The following DIAPH1 variants were observed in gnomAD, a reference collection of about 807,000 sequenced individuals.
The protein encoded by DIAPH1 is diaphanous related formin 1.
A neutral mutation model predicts 140.7 loss-of-function variants in DIAPH1; 46 were observed. That is an observed-to-expected ratio of 0.33 (90% CI 0.26 to 0.42). The LOEUF is 0.42. Ranked by LOEUF, DIAPH1 falls within the 10% of genes least tolerant of loss-of-function variation. DIAPH1 has a pLI of 1.00. For missense variants in DIAPH1, 1,310 were observed against 1,558.7 expected, an observed-to-expected ratio of 0.84 and a Z score of 2.69; for synonymous variants, 565 against 551.6, an observed-to-expected ratio of 1.02 and a Z score of -0.34.
chr5:141,557,539 C>T (rs2099892811), intron 18 of DIAPH1, among the ~76,000 whole-genome samples: 1 of 152,096 alleles, frequency 6.6e-6, no homozygotes, highest in Non-Finnish European at 1.5e-5. Flanking sequence ...TCCCAGACAG[C>T]TAAGTGAAAG....
At chr5:141,530,778 G>T (rs79542622) in intron 19 of DIAPH1, among the ~76,000 whole-genome samples, 1,612 of 152,244 alleles carry the variant, frequency 0.011, 39 homozygotes, top group African/African-American at 0.037. Flanking sequence ...GACTAGAAAA[G>T]ACTCAGATAA....
chr5:141,580,718 G>A (rs945156557), intron 8 of DIAPH1, 26 bp downstream of exon 8: 2 of 1,612,530 alleles, frequency 1.2e-6, no homozygotes, highest in Non-Finnish European at 1.7e-6. Flanking sequence ...TGAAAATGGA[G>A]AAGAAAAATT....
intron 27 of DIAPH1, among the ~76,000 whole-genome samples, chr5:141,523,576 C>A (rs2099886871): frequency 6.6e-6 from 1 of 152,074 alleles, no homozygotes; most frequent in Non-Finnish European, 1.5e-5. Context: ...AAGGCAAGGG[C>A]AATAGAGGCT....
chr5:141,536,471 C>T (rs1027599852), intron 18 of DIAPH1, among the ~76,000 whole-genome samples: 1 of 152,090 alleles, frequency 6.6e-6, no homozygotes, highest in Non-Finnish European at 1.5e-5. Context: ...AGATTCTTGC[C>T]TTCATGGAAC....
At chr5:141,604,916 T>G (rs568243249) in intron 1 of DIAPH1, among the ~76,000 whole-genome samples, 2 of 152,202 alleles carry the variant, frequency 1.3e-5, no homozygotes, top group East Asian at 3.8e-4. Flanking sequence ...TGAAATCTTA[T>G]TATTTCTCTA....
rs1030991419 is a variant in DIAPH1 at position 141,528,357 on chromosome 5, A to T, written c.3148+96T>A. On this transcript the variant is annotated intron_variant, in intron 23 of 27. Coordinates refer to ENST00000389054, the MANE Select transcript of DIAPH1 (RefSeq NM_005219.5). ...ATCCTATCTCATTTCCACTTGAAATAGTCTGAACTGAAAATGCTCTCACAT... is the reference window on the plus strand; with the variant it reads ...ATCCTATCTCATTTCCACTTGAAATTGTCTGAACTGAAAATGCTCTCACAT... 15 of 1,554,602 alleles carry T rather than the reference A, an allele frequency of 9.6e-6. No individual in the cohort carries two copies. The African/African-American group carries it at 1.9e-4, about 20-fold the overall frequency.
intron 1 of DIAPH1, among the ~76,000 whole-genome samples, chr5:141,590,449 C>G (rs899162845): frequency 6.6e-6 from 1 of 152,134 alleles, no homozygotes; most frequent in South Asian, 2.1e-4. Flanking sequence ...GAAAGCACCA[C>G]CCAAGACAAC....
chr5:141,583,532 G>A lies in DIAPH1; in HGVS notation c.486C>T (p.Leu162=). ...ACACACGAAGGGACTCCAGGCAGCT[G>A]AGCAGAGGCATATCCCGCAAGCCTG... ...LRSGLRDMPL[L]SCLESLRVSL... Residue 162 remains leucine, a synonymous_variant, in exon 5 of 28, where the codon CTC becomes CTT. Transcript: ENST00000389054. The A allele has an allele frequency of 1.9e-6, 3 of 1,614,150 alleles. No homozygotes were observed. The highest frequency in any genetic ancestry group is 1.3e-5 in the African/African-American group (1 of 75,014).
intron 18 of DIAPH1, among the ~76,000 whole-genome samples, chr5:141,555,561 G>C (rs1040081521): frequency 6.6e-6 from 1 of 152,166 alleles, no homozygotes; most frequent in Non-Finnish European, 1.5e-5. Context: ...ATTTTCATAA[G>C]AGCAAAGATG....
chr5:141,598,676 T>C (rs2099899690), intron 1 of DIAPH1, among the ~76,000 whole-genome samples: 1 of 152,198 alleles, frequency 6.6e-6, no homozygotes, highest in Non-Finnish European at 1.5e-5. Flanking sequence ...ACTTCCTAGA[T>C]ACTTTATAGT....
chr5:141,560,789 A>G, intron 18 of DIAPH1: 1 of 452,108 alleles, frequency 2.2e-6, no homozygotes, highest in Non-Finnish European at 4.5e-6. Flanking sequence ...GGGAAGTAAC[A>G]GGGTAAGAGC....
intron 23 of DIAPH1, 64 bp from the exon 24 acceptor site, chr5:141,527,761 G>A: frequency 2.0e-6 from 3 of 1,493,358 alleles, no homozygotes; most frequent in Non-Finnish European, 2.7e-6. Flanking sequence ...AATAATCCCA[G>A]CCTCAACACC....
In DIAPH1 at chr5:141,550,524, C is replaced by T. The variant is rs73794932; in HGVS notation, c.2483-16091G>A. 8.9e-3 allele frequency: 1,368 copies of T among 154,518 alleles called. 19 individuals are homozygous for T. The highest frequency in any genetic ancestry group is 0.03 in the African/African-American group (1,257 of 41,646). The allele number at this position is 154,518 out of a possible 1,614,324, so 9.6% of individuals were successfully genotyped here. A position where few individuals can be genotyped will look rare whatever the true frequency, so the allele number is the denominator to read the frequency against. On this transcript the variant is annotated intron_variant, in intron 18 of 27. Transcript: ENST00000389054. ...CTTGGGAATCAGCAAGAAATCCAAA[C>T]TAGGTAAAGTCCGCTCTTGTGTAAG...
intron 18 of DIAPH1, chr5:141,564,127 TC>T (rs1039582123): frequency 4.6e-4 from 70 of 152,138 alleles, no homozygotes; most frequent in African/African-American, 1.7e-3. Context: ...CAAAAACCTT[TC>T]CAGCCTCTGG....
intron 10 of DIAPH1, 81 bp downstream of exon 10, chr5:141,578,434 C>G (rs1193156097): frequency 6.5e-7 from 1 of 1,537,240 alleles, no homozygotes; most frequent in Non-Finnish European, 9.0e-7. Context: ...TAATTGAAAA[C>G]CAGAATTATC....
At position 141,529,328 on chromosome 5, in the gene DIAPH1, C is replaced by G. The variant is rs527936354; in HGVS notation, c.2677-55G>C. 8.7e-5 allele frequency: 123 copies of G among 1,409,794 alleles called. 1 individual carries two copies. The African/African-American group carries it at 1.4e-3, about 16-fold the overall frequency. The allele number at this position is 1,409,794 out of a possible 1,614,324, so 87.3% of individuals were successfully genotyped here. On this transcript the variant is annotated intron_variant, in intron 20 of 27. Coordinates refer to ENST00000389054, the MANE Select transcript of DIAPH1 (RefSeq NM_005219.5). ...AGGGGAATTCGCTAACAACTCAAGC[C>G]TAAACAACTTTTACTCTGTTGTCAG... is the stretch of plus-strand genomic sequence containing the variant.
In DIAPH1 at chr5:141,580,924, A is replaced by T. The variant is rs769657840; in HGVS notation, c.685-41T>A. ...ACAAAGAAAGGAGGCTGAAAGACGAAAGCATCTAACTGGGGGACAAGTTTA... is the reference window on the plus strand; with the variant it reads ...ACAAAGAAAGGAGGCTGAAAGACGATAGCATCTAACTGGGGGACAAGTTTA... On this transcript the variant is annotated intron_variant, in intron 7 of 27. Coordinates refer to ENST00000389054, the MANE Select transcript of DIAPH1 (RefSeq NM_005219.5). The T allele has an allele frequency of 1.9e-6, 3 of 1,613,944 alleles. No homozygotes were observed. The South Asian group carries it at 3.3e-5, about 18-fold the overall frequency.
intron 19 of DIAPH1, among the ~76,000 whole-genome samples, chr5:141,530,069 G>A (rs1028201257): frequency 1.3e-5 from 2 of 152,136 alleles, no homozygotes; most frequent in Non-Finnish European, 2.9e-5. Context: ...GAGCAACAGA[G>A]CGAGACCCGT....
chr5:141,570,635 A>G lies in DIAPH1; in HGVS notation c.2482+793T>C, dbSNP rs183042419. On this transcript the variant is annotated intron_variant, in intron 18 of 27. Coordinates refer to ENST00000389054, the MANE Select transcript of DIAPH1 (RefSeq NM_005219.5). ...AAAGGAATTGCCTTTAAAAATACTA[A>G]TTGACTAGGGGGAGGTGGGGAAAAT... Among the ~76,000 whole-genome samples the G allele has an allele frequency of 2.9e-3, 448 of 152,304 alleles. 1 individual carries two copies. The highest frequency in any genetic ancestry group is 4.6e-3 in the Non-Finnish European group (312 of 68,020).
Sources: gnomAD v4.1 joint callset for allele counts (sites outside exome capture counted in the v4.1 genomes callset) on GRCh38, gnomAD v4.1.1 for gene constraint, MANE v1.5 for transcripts, NCBI Gene and HGNC (gene_info 2026-07-23, HGNC 2026-07-21) for gene names.